CDK18: variants seen among roughly 807,000 people sequenced by gnomAD.
CDK18 encodes cyclin-dependent kinase 18.
Under a neutral mutation model 62.0 loss-of-function variants are expected in CDK18, and 52 were observed. The observed-to-expected ratio is 0.84, with a 90% CI of 0.67 to 1.06. CDK18 has a LOEUF of 1.06. Among genes scored for constraint, CDK18 ranks in the 50% least tolerant of loss-of-function variants. The pLI is 0.00. For missense variants in CDK18, 604 were observed against 619.9 expected, an observed-to-expected ratio of 0.97 and a Z score of 0.27; for synonymous variants, 237 against 247.0, an observed-to-expected ratio of 0.96 and a Z score of 0.38.
In CDK18 at chr1:205,532,710, C is replaced by G. The variant is rs1282747261; in HGVS notation, c.*1332C>G. 1 of 152,458 alleles carries G rather than the reference C, an allele frequency of 6.6e-6. No individual in the cohort carries two copies. 9.4% of individuals were successfully genotyped at this position (152,458 alleles called of 1,614,324 possible). On this transcript the variant is annotated 3_prime_UTR_variant, in exon 16 of 16. Coordinates refer to ENST00000429964, the MANE Select transcript of CDK18 (RefSeq NM_212502.3). ...TGCCCTGCCCACCTCAGGCCCCCACCCTCCACTCCTCCCCACGGTACTGTG... is the reference window on the plus strand; with the variant it reads ...TGCCCTGCCCACCTCAGGCCCCCACGCTCCACTCCTCCCCACGGTACTGTG...
Position 205,527,487 on chromosome 1 carries a change from A to AG in CDK18, c.730-307_730-306insG. 1 of 239,516 alleles carries AG rather than the reference A, an allele frequency of 4.2e-6. No individual in the cohort carries two copies. The highest frequency in any genetic ancestry group is 8.1e-6 in the Non-Finnish European group (1 of 122,736). 14.8% of individuals were successfully genotyped at this position (239,516 alleles called of 1,614,324 possible). On this transcript the variant is annotated intron_variant, in intron 8 of 15. Coordinates refer to ENST00000429964, the MANE Select transcript of CDK18 (RefSeq NM_212502.3). This position sits in a 1 kb window ranked among gnomAD's most constrained non-coding sequence, Gnocchi z 4.1. ...GAGTAAAACCCTGACTCTAAAAGAAAAAAAAAAAAAAAAGGGATCAAGCAC... is the reference window on the plus strand; with the variant it reads ...GAGTAAAACCCTGACTCTAAAAGAAAGAAAAAAAAAAAAAGGGATCAAGCAC...
intron 13 of CDK18, chr1:205,529,832 A>G (rs1558787161): frequency 7.3e-7 from 1 of 1,368,182 alleles, no homozygotes; most frequent in Non-Finnish European, 9.8e-7. Flanking sequence ...TCAGCTGCAA[A>G]GTGGGATTAA....
At chr1:205,525,268 C>G in intron 5 of CDK18, 73 bp downstream of exon 5, 1 of 1,128,670 alleles carries the variant, frequency 8.9e-7, no homozygotes, top group Admixed American at 2.0e-5. Context: ...CCTCCCTAGT[C>G]GGCCCTCTCT....
chr1:205,527,079 C>T lies in CDK18; in HGVS notation c.729+242C>T, dbSNP rs12566558. On this transcript the variant is annotated intron_variant, in intron 8 of 15. Transcript: ENST00000429964. The surrounding 1 kb of genome is among the most constrained non-coding windows in gnomAD (Gnocchi z 4.1). ...GTTGGTATAAAACCCACTCTCAACTCTGAACATCAGTTTCCCAGTCTGTCA... is the reference window on the plus strand; with the variant it reads ...GTTGGTATAAAACCCACTCTCAACTTTGAACATCAGTTTCCCAGTCTGTCA... The T allele has an allele frequency of 7.7e-6, 4 of 521,276 alleles. No homozygotes were observed. The highest frequency in any genetic ancestry group is 3.8e-5 in the African/African-American group (2 of 52,606). The allele number at this position is 521,276 out of a possible 1,614,324, so 32.3% of individuals were successfully genotyped here.
chr1:205,509,926 A>G (rs1667484892), intron 1 of CDK18, among the ~76,000 whole-genome samples: 2 of 152,092 alleles, frequency 1.3e-5, no homozygotes, highest in Admixed American at 6.5e-5. Context: ...CTAAAAATAC[A>G]AAAATTAGCC....
chr1:205,523,646 G>A (rs1558778797), intron 3 of CDK18, 21 bp downstream of exon 3: 1 of 1,557,324 alleles, frequency 6.4e-7, no homozygotes, highest in Non-Finnish European at 8.7e-7. Flanking sequence ...CTGGAGCTCT[G>A]CCCCGGCAGG....
In CDK18 at chr1:205,529,275, T is replaced by TG. The variant is rs764622433; in HGVS notation, c.1073-47dup. The stretch of plus-strand genomic sequence containing the variant: ...CATTGCATCCCTTTCAAGTCGGCCT[T>TG]GGCCCTGGGCCTCACGCAGGCCCTC... On this transcript the variant is annotated intron_variant, in intron 11 of 15. Transcript: ENST00000429964. The TG allele has an allele frequency of 7.1e-6, 11 of 1,544,018 alleles. No homozygotes were observed. The African/African-American group carries it at 1.4e-4, about 19-fold the overall frequency.
chr1:205,523,755 G>A (rs958543553), intron 3 of CDK18, 130 bp downstream of exon 3: 1 of 1,225,380 alleles, frequency 8.2e-7, no homozygotes, highest in Non-Finnish European at 1.1e-6. Flanking sequence ...TTAGCTCTGT[G>A]ACTTTGAGCA....
chr1:205,527,826 C>T lies in CDK18; in HGVS notation c.762C>T (p.Ala254=), dbSNP rs760917122. ...TGTTCCAGCTGCTCCGGGGCCTCGC[C>T]TACTGTCACCACCGCAAGATCCTGC... is the stretch of plus-strand genomic sequence containing the variant. ...IFMFQLLRGL[A]YCHHRKILHR... The change falls in exon 9 of 16, where the codon GCC becomes GCT. Residue 254 remains alanine (A), a synonymous_variant. Coordinates refer to ENST00000429964, the MANE Select transcript of CDK18 (RefSeq NM_212502.3). This position sits in a 1 kb window ranked among gnomAD's most constrained non-coding sequence, Gnocchi z 4.1. 4.8e-5 allele frequency: 77 copies of T among 1,614,054 alleles called. No homozygotes were observed. The Admixed American group carries it at 5.5e-4, about 12-fold the overall frequency.
chr1:205,515,048 T>C (rs930479492), intron 1 of CDK18, among the ~76,000 whole-genome samples: 1 of 152,090 alleles, frequency 6.6e-6, no homozygotes, highest in African/African-American at 2.4e-5. Flanking sequence ...CCAGGTACAT[T>C]TGATAAAACC....
chr1:205,522,731 CT>C (rs1038977716), intron 1 of CDK18: 3 of 157,154 alleles, frequency 1.9e-5, no homozygotes, highest in African/African-American at 7.2e-5. Context: ...CTGCCTGGTT[CT>C]GGCACCCTCC....
chr1:205,519,403 C>T (rs1015183627), intron 1 of CDK18, among the ~76,000 whole-genome samples: 4 of 151,634 alleles, frequency 2.6e-5, no homozygotes, highest in Non-Finnish European at 5.9e-5. Flanking sequence ...GTGGTCACCA[C>T]CCCCACCGCC....
intron 7 of CDK18, 116 bp from the exon 8 acceptor site, chr1:205,526,659 G>A (rs1043724504): frequency 6.3e-5 from 68 of 1,072,722 alleles, no homozygotes; most frequent in Non-Finnish European, 9.7e-5. Context: ...CCAGGGACCT[G>A]TCCCACTAGT....
intron 5 of CDK18, 22 bp downstream of exon 5, chr1:205,525,217 TCTC>T: frequency 6.3e-7 from 1 of 1,588,780 alleles, no homozygotes; most frequent in South Asian, 1.1e-5. Context: ...GGTTTGGTCT[TCTC>T]CGAATAGCCA....
At chr1:205,526,318 T>C (rs773741228) in intron 6 of CDK18, 49 bp from the exon 7 acceptor site, 2 of 1,507,072 alleles carry the variant, frequency 1.3e-6, no homozygotes, top group Non-Finnish European at 1.8e-6. Context: ...AAAGAGGGTA[T>C]GGGGACACAT....
intron 1 of CDK18, among the ~76,000 whole-genome samples, chr1:205,507,633 CAAAAAAAAAAAAAA>C (rs56313401): frequency 2.8e-5 from 2 of 72,198 alleles, no homozygotes; most frequent in Admixed American, 3.9e-4. Context: ...GACTCCGTCT[CAAAAAAAAAAAAAA>C]AAAAAAAAAA....
chr1:205,526,885 A>T, intron 8 of CDK18, 48 bp downstream of exon 8: 1 of 1,506,942 alleles, frequency 6.6e-7, no homozygotes. Context: ...CCACCTGTCC[A>T]GAAGCCCAGT....
intron 15 of CDK18, 69 bp downstream of exon 15, chr1:205,530,774 G>T: frequency 7.8e-7 from 1 of 1,283,690 alleles, no homozygotes; most frequent in Non-Finnish European, 1.1e-6. Context: ...CCCCTCCCCA[G>T]TGGGGACTCC....
intron 14 of CDK18, 25 bp from the exon 15 acceptor site, chr1:205,530,603 C>T: frequency 6.2e-7 from 1 of 1,609,656 alleles, no homozygotes; most frequent in Non-Finnish European, 8.5e-7. Context: ...CAGCCCTCTC[C>T]AGACTATGCA....
Sources: allele counts gnomAD v4.1 joint callset (sites outside exome capture counted in the v4.1 genomes callset), GRCh38; gene constraint gnomAD v4.1.1; non-coding constraint Gnocchi (gnomAD v3.1); transcripts MANE v1.5; gene names NCBI Gene and HGNC (gene_info 2026-07-23, HGNC 2026-07-21).